The following BCL2L13 variants were observed in gnomAD, a reference collection of about 807,000 sequenced individuals.
The protein encoded by BCL2L13 is BCL2 like 13.
In BCL2L13, 13 loss-of-function variants were observed where a neutral mutation model predicts 25.8. That is an observed-to-expected ratio of 0.50 (90% CI 0.33 to 0.80). The LOEUF (loss-of-function observed/expected upper bound fraction) is 0.80. BCL2L13 is among the 30% of genes least tolerant of loss of function. The pLI is 0.02. For synonymous variants in BCL2L13, 244 were observed against 230.3 expected (o/e 1.06, Z -0.54); for missense variants, 504 against 574.9 (o/e 0.88, Z 1.26).
At chr22:17,697,137 T>TA (rs35494765) in intron 5 of BCL2L13, among the ~76,000 whole-genome samples, 22,470 of 145,530 alleles carry the variant, frequency 0.15, 2,043 homozygotes, top group Non-Finnish European at 0.21. Flanking sequence ...AGGTTCTCTT[T>TA]AAAAAAAAAA....
At chr22:17,658,762 A>T (rs1351286788) in intron 2 of BCL2L13, among the ~76,000 whole-genome samples, 1 of 151,672 alleles carries the variant, frequency 6.6e-6, no homozygotes, top group African/African-American at 2.4e-5. Flanking sequence ...ATGCTTGTAT[A>T]AAAAACATTA....
chr22:17,670,574 A>G (rs985363767), intron 2 of BCL2L13, among the ~76,000 whole-genome samples: 2 of 151,962 alleles, frequency 1.3e-5, no homozygotes, highest in African/African-American at 4.8e-5. Context: ...GGGTTTCTCC[A>G]TGTTGGTCAG....
At chr22:17,722,398 T>C (rs1346194021) in intron 6 of BCL2L13, among the ~76,000 whole-genome samples, 7 of 151,576 alleles carry the variant, frequency 4.6e-5, no homozygotes, top group South Asian at 4.2e-4. Flanking sequence ...TGTGTGTGTG[T>C]GTGTGTGTGT....
At chr22:17,698,258 G>A (rs1470076024) in intron 5 of BCL2L13, among the ~76,000 whole-genome samples, 1 of 151,830 alleles carries the variant, frequency 6.6e-6, no homozygotes, top group African/African-American at 2.4e-5. Flanking sequence ...GGGCTTGCAG[G>A]TGCCCACCAC....
intron 2 of BCL2L13, among the ~76,000 whole-genome samples, chr22:17,659,056 TAAAAAAAAAAAAAAAA>T (rs752881083): frequency 4.3e-4 from 12 of 28,114 alleles, no homozygotes; most frequent in Admixed American, 2.7e-3. Context: ...AGACTCCATC[TAAAAAAAAAAAAAAAA>T]AAAAAAAAAA....
chr22:17,689,853 A>C (rs1370645344), intron 4 of BCL2L13, among the ~76,000 whole-genome samples: 1 of 151,610 alleles, frequency 6.6e-6, no homozygotes, highest in African/African-American at 2.4e-5. Context: ...AAAAAAAAAA[A>C]AAAAAAACCC....
chr22:17,638,923 TGAG>T (rs1189587202), intron 1 of BCL2L13, 37 bp downstream of exon 1: 2 of 1,229,288 alleles, frequency 1.6e-6, no homozygotes, highest in African/African-American at 3.1e-5. Context: ...CTGAGCTGGG[TGAG>T]GAGGTGGTTT....
chr22:17,635,310 G>A (rs1170329168), upstream of BCL2L13, among the ~76,000 whole-genome samples: 1 of 152,040 alleles, frequency 6.6e-6, no homozygotes, highest in African/African-American at 2.4e-5. Context: ...GACTCAGGCG[G>A]GCGGATCACA....
intron 2 of BCL2L13, among the ~76,000 whole-genome samples, chr22:17,667,946 G>T: frequency 7.1e-6 from 1 of 140,088 alleles, no homozygotes; most frequent in Non-Finnish European, 1.5e-5. Context: ...TTTTAATTTT[G>T]GTGAATTCCA....
intron 1 of BCL2L13, among the ~76,000 whole-genome samples, chr22:17,642,527 T>C (rs1263292480): frequency 2.0e-5 from 3 of 152,288 alleles, no homozygotes; most frequent in Middle Eastern, 3.4e-3. Flanking sequence ...ATCAGTACTT[T>C]ATTCCTTTTT....
chr22:17,640,003 C>CG (rs1204213870), intron 1 of BCL2L13, among the ~76,000 whole-genome samples: 1 of 152,036 alleles, frequency 6.6e-6, no homozygotes, highest in Non-Finnish European at 1.5e-5. Context: ...TACAGGCATG[C>CG]GCCACCACGC....
intron 6 of BCL2L13, among the ~76,000 whole-genome samples, chr22:17,715,167 TATA>T (rs1242248575): frequency 7.0e-4 from 4 of 5,678 alleles, no homozygotes; most frequent in African/African-American, 1.4e-3. Flanking sequence ...TATATATATA[TATA>T]TTTTTTTTTT....
rs535382344 is a variant in BCL2L13 at position 17,728,836 on chromosome 22, C to T, written c.*1302C>T. 5.2e-4 allele frequency: 79 copies of T among 152,320 alleles called. No homozygotes were observed. Among genetic ancestry groups the T allele is most frequent in the Non-Finnish European group, 1.0e-3 (70 of 68,034 alleles). The allele number at this position is 152,320 out of a possible 1,614,324, so 9.4% of individuals were successfully genotyped here. A position where few individuals can be genotyped will look rare whatever the true frequency, so the allele number is the denominator to read the frequency against. On this transcript the variant is annotated 3_prime_UTR_variant, in exon 7 of 7. Transcript: ENST00000317582. ...TGCCAGGGTAATAAACCAAAATAGT[C>T]CTAATCAGTATATGCTAGTTGAGCA...
intron 6 of BCL2L13, among the ~76,000 whole-genome samples, chr22:17,722,571 C>A (rs552946344): frequency 1.3e-4 from 20 of 152,220 alleles, no homozygotes; most frequent in African/African-American, 4.6e-4. Flanking sequence ...TAAGCTCTTA[C>A]CATGCTTATA....
intron 2 of BCL2L13, among the ~76,000 whole-genome samples, chr22:17,664,523 G>A (rs1045177460): frequency 1.3e-5 from 2 of 152,202 alleles, no homozygotes; most frequent in African/African-American, 4.8e-5. Flanking sequence ...GCGAACAGTG[G>A]CCTTCTTCTC....
intron 1 of BCL2L13, among the ~76,000 whole-genome samples, chr22:17,631,694 ATATATATATATATTTTTTTTTTTTT>A (rs2058028538): frequency 3.1e-4 from 12 of 38,552 alleles, no homozygotes; most frequent in East Asian, 1.4e-3. Flanking sequence ...ATATATATAT[ATATATATATATATTTTTTTTTTTTT>A]TTTTTTTTTT....
At chr22:17,702,483 A>T in intron 6 of BCL2L13, 97 bp downstream of exon 6, 1 of 1,204,132 alleles carries the variant, frequency 8.3e-7, no homozygotes, top group South Asian at 1.9e-5. Flanking sequence ...CCCGGGCTGG[A>T]GTGCAGTGTC....
intron 3 of BCL2L13, 133 bp from the exon 4 acceptor site, chr22:17,688,853 T>A: frequency 6.1e-6 from 4 of 658,376 alleles, no homozygotes; most frequent in Non-Finnish European, 6.6e-6. Context: ...CCACAACCTC[T>A]GCCTCCTGGG....
chr22:17,721,182 T>A (rs8141953), intron 6 of BCL2L13, among the ~76,000 whole-genome samples: 23,130 of 146,412 alleles, frequency 0.16, 2,140 homozygotes, highest in Non-Finnish European at 0.21. Context: ...AAAAAAAAAA[T>A]ATATATATAT....
Sources: gnomAD v4.1 joint callset for allele counts (sites outside exome capture counted in the v4.1 genomes callset) on GRCh38, gnomAD v4.1.1 for gene constraint, MANE v1.5 for transcripts, NCBI Gene and HGNC (gene_info 2026-07-23, HGNC 2026-07-21) for gene names.